Variants in EPHA6 observed in about 807,000 individuals in gnomAD.
EPHA6 encodes ephrin type-A receptor 6.
In EPHA6, 50 loss-of-function variants were observed where a neutral mutation model predicts 112.0. That is an observed-to-expected ratio of 0.45 (90% CI 0.36 to 0.56). The LOEUF is 0.56. Among genes scored for constraint, EPHA6 ranks in the 20% least tolerant of loss-of-function variants. The pLI, the probability that EPHA6 is intolerant of heterozygous loss-of-function variation, is 0.00. For synonymous variants in EPHA6, 529 were observed against 490.7 expected (o/e 1.08, Z -1.03); for missense variants, 1,280 against 1,417.4 (o/e 0.90, Z 1.56).
intron 14 of EPHA6, among the ~76,000 whole-genome samples, chr3:97,639,717 C>G (rs531389849): frequency 6.6e-6 from 1 of 152,112 alleles, no homozygotes; most frequent in Non-Finnish European, 1.5e-5. Flanking sequence ...TTTGTTACAT[C>G]AAATTTAACA....
intron 3 of EPHA6, among the ~76,000 whole-genome samples, chr3:97,055,152 T>C (rs756084359): frequency 4.6e-5 from 7 of 152,130 alleles, no homozygotes; most frequent in Non-Finnish European, 1.0e-4. Flanking sequence ...GGGTTGCCTA[T>C]TAAATATGAA....
At chr3:97,404,288 T>C (rs1295582563) in intron 5 of EPHA6, among the ~76,000 whole-genome samples, 1 of 147,420 alleles carries the variant, frequency 6.8e-6, no homozygotes, top group Admixed American at 6.6e-5. Flanking sequence ...TATTTTATCC[T>C]ACAGCCTAGC....
At chr3:97,182,149 A>G (rs2077005409) in intron 3 of EPHA6, among the ~76,000 whole-genome samples, 1 of 151,992 alleles carries the variant, frequency 6.6e-6, no homozygotes, top group African/African-American at 2.4e-5. Flanking sequence ...AGTATGCACT[A>G]CATTTATTTT....
chr3:97,656,507 AGT>A (rs2094138558), intron 14 of EPHA6, among the ~76,000 whole-genome samples: 1 of 151,956 alleles, frequency 6.6e-6, no homozygotes. Flanking sequence ...AGAATCTTAA[AGT>A]GTGTGTTTAA....
chr3:97,651,864 T>A (rs2094109520), intron 14 of EPHA6, among the ~76,000 whole-genome samples: 1 of 152,026 alleles, frequency 6.6e-6, no homozygotes, highest in African/African-American at 2.4e-5. Context: ...CTTTTTTTTT[T>A]AGGTTCAGAG....
chr3:97,081,518 T>C (rs2046718693), intron 3 of EPHA6, among the ~76,000 whole-genome samples: 1 of 151,834 alleles, frequency 6.6e-6, no homozygotes, highest in Admixed American at 6.6e-5. Flanking sequence ...TACAAATGAT[T>C]ATGTGTATTT....
chr3:97,633,543 G>T (rs1040550395), intron 13 of EPHA6, among the ~76,000 whole-genome samples: 3 of 152,016 alleles, frequency 2.0e-5, no homozygotes, highest in Admixed American at 2.0e-4. Context: ...TTTATCGAGT[G>T]CTAACAAAAT....
rs370922784 is a variant in EPHA6 at position 97,392,518 on chromosome 3, TA to T, written c.1607-12631del. Reference sequence around the variant, plus strand: ...AAAAAAAATGGAATCATGTCATACATATTTTTTTGTAACTTGTTTTTGACAT... The same window carrying T: ...AAAAAAAATGGAATCATGTCATACATTTTTTTTGTAACTTGTTTTTGACAT... On this transcript the variant is annotated intron_variant, in intron 5 of 17. Transcript: ENST00000389672. Among the ~76,000 whole-genome samples, 65 of 151,900 alleles carry T rather than the reference TA, an allele frequency of 4.3e-4. 1 individual carries two copies. Among genetic ancestry groups the T allele is most frequent in the African/African-American group, 9.6e-4 (40 of 41,526 alleles).
intron 5 of EPHA6, among the ~76,000 whole-genome samples, chr3:97,262,290 C>T (rs58707811): frequency 0.017 from 2,596 of 151,978 alleles, 68 homozygotes; most frequent in African/African-American, 0.058. Flanking sequence ...TCTAAATTAC[C>T]CTCTATCTTT....
At chr3:97,597,393 A>T (rs1362420932) in intron 12 of EPHA6, among the ~76,000 whole-genome samples, 1 of 152,190 alleles carries the variant, frequency 6.6e-6, no homozygotes. Flanking sequence ...TTATGAACAC[A>T]TGGGTATTCA....
chr3:97,198,936 A>G (rs1479609778), intron 3 of EPHA6, among the ~76,000 whole-genome samples: 10 of 152,238 alleles, frequency 6.6e-5, no homozygotes, highest in Non-Finnish European at 1.2e-4. Context: ...TTTACTTGAC[A>G]TGCTCTCATG....
chr3:97,106,577 C>T (rs562223914), intron 3 of EPHA6, among the ~76,000 whole-genome samples: 5 of 152,200 alleles, frequency 3.3e-5, no homozygotes, highest in Middle Eastern at 3.4e-3. Flanking sequence ...ACGTTGTACT[C>T]ATTTTCCAAG....
intron 11 of EPHA6, among the ~76,000 whole-genome samples, chr3:97,550,275 A>G (rs2107707509): frequency 6.6e-6 from 1 of 152,334 alleles, no homozygotes; most frequent in East Asian, 1.9e-4. Flanking sequence ...TACTGCAGGG[A>G]CAATAAGAAT....
intron 2 of EPHA6, among the ~76,000 whole-genome samples, chr3:96,958,794 C>G (rs1262879359): frequency 6.6e-6 from 1 of 152,148 alleles, no homozygotes; most frequent in Non-Finnish European, 1.5e-5. Flanking sequence ...ATGAGAGATT[C>G]TTTCTACTTA....
At chr3:96,883,858 G>A (rs996685004) in intron 2 of EPHA6, among the ~76,000 whole-genome samples, 1 of 152,148 alleles carries the variant, frequency 6.6e-6, no homozygotes, top group South Asian at 2.1e-4. Context: ...TTTTGGTAGA[G>A]ACAGGGTTTC....
chr3:96,897,889 T>G (rs2038370677), intron 2 of EPHA6, among the ~76,000 whole-genome samples: 1 of 152,174 alleles, frequency 6.6e-6, no homozygotes, highest in Non-Finnish European at 1.5e-5. Context: ...TTATGGAAAG[T>G]ATAATATAAG....
chr3:97,541,173 A>C (rs1378956413), intron 11 of EPHA6, among the ~76,000 whole-genome samples: 2 of 152,190 alleles, frequency 1.3e-5, no homozygotes, highest in Non-Finnish European at 2.9e-5. Flanking sequence ...TAAGGTCCTC[A>C]TTTAATCCAA....
intron 15 of EPHA6, among the ~76,000 whole-genome samples, chr3:97,727,156 A>G (rs746583600): frequency 6.6e-6 from 1 of 152,056 alleles, no homozygotes; most frequent in African/African-American, 2.4e-5. Flanking sequence ...TTTGAGGTTT[A>G]CTAGAAAACA....
At chr3:97,128,423 C>A (rs899004862) in intron 3 of EPHA6, among the ~76,000 whole-genome samples, 2 of 152,186 alleles carry the variant, frequency 1.3e-5, no homozygotes, top group Non-Finnish European at 2.9e-5. Flanking sequence ...TTCATCTGCT[C>A]TTAGGCCTAG....
Sources: gnomAD v4.1 joint callset for allele counts (sites outside exome capture counted in the v4.1 genomes callset) on GRCh38, gnomAD v4.1.1 for gene constraint, MANE v1.5 for transcripts, NCBI Gene and HGNC (gene_info 2026-07-23, HGNC 2026-07-21) for gene names.